TBC1D16: variants seen among roughly 807,000 people sequenced by gnomAD.
TBC1D16 encodes TBC1 domain family member 16.
TBC1D16 carries 58 observed loss-of-function variants against 74.7 expected under a neutral mutation model. The observed-to-expected ratio is 0.78, with a 90% CI of 0.63 to 0.97. TBC1D16 has a LOEUF of 0.97. Ranked by LOEUF, TBC1D16 falls within the 50% of genes least tolerant of loss-of-function variation. TBC1D16 has a pLI of 0.00. For synonymous variants in TBC1D16, 493 were observed against 474.7 expected (o/e 1.04, Z -0.50); for missense variants, 1,014 against 1,079.5 (o/e 0.94, Z 0.85).
rs746450905 is a variant in TBC1D16, at chr17:79,960,779, C to CAAAAAAAAAAAAAA, written c.780-7975_780-7962dup. ...CAAAAAAACCCAAAAAACAAAAACC[C>CAAAAAAAAAAAAAA]AAAAAAAAAAAAAAAAAAAAAAAAA... On this transcript the variant is annotated intron_variant, in intron 3 of 11. Transcript: ENST00000310924. Among the ~76,000 whole-genome samples the CAAAAAAAAAAAAAA allele has an allele frequency of 1.2e-3, 41 of 33,940 alleles. 11 individuals carry two copies. Among genetic ancestry groups the CAAAAAAAAAAAAAA allele is most frequent in the Middle Eastern group, 0.056 (2 of 36 alleles). The allele number at this position is 33,940 out of a possible 152,430, so 22.3% of individuals were successfully genotyped here.
At chr17:80,018,670 C>T (rs902235814) in intron 1 of TBC1D16, among the ~76,000 whole-genome samples, 1 of 148,642 alleles carries the variant, frequency 6.7e-6, no homozygotes, top group Non-Finnish European at 1.5e-5. Context: ...GGTGTGATCA[C>T]AGCTCACTGT....
At chr17:79,963,978 CTGTT>C (rs140888921) in intron 3 of TBC1D16, among the ~76,000 whole-genome samples, 13,333 of 151,694 alleles carry the variant, frequency 0.088, 611 homozygotes, top group South Asian at 0.13. Context: ...TTGTGTGTGT[CTGTT>C]TGTTTGTTTT....
In TBC1D16 at chr17:79,960,891, G is replaced by T. The variant is rs2362386; in HGVS notation, c.780-8073C>A. Among the ~76,000 whole-genome samples, 964 of 141,246 alleles carry T rather than the reference G, an allele frequency of 6.8e-3. 13 individuals carry two copies. Among genetic ancestry groups the T allele is most frequent in the African/African-American group, 0.024 (905 of 38,230 alleles). 92.7% of individuals were successfully genotyped at this position (141,246 alleles called of 152,430 possible). A position where few individuals can be genotyped will look rare whatever the true frequency, so the allele number is the denominator to read the frequency against. On this transcript the variant is annotated intron_variant, in intron 3 of 11. Coordinates refer to ENST00000310924, the MANE Select transcript of TBC1D16 (RefSeq NM_019020.4). ...CCTACAATGTGACGGGAAGTCAAAT[G>T]ACAGAACCACTCTGGAGAACTGTTT...
chr17:79,986,816 G>A lies in TBC1D16; in HGVS notation c.779+23344C>T, dbSNP rs952783967. On this transcript the variant is annotated intron_variant, in intron 3 of 11. Coordinates refer to ENST00000310924, the MANE Select transcript of TBC1D16 (RefSeq NM_019020.4). This position sits in a 1 kb window ranked among gnomAD's most constrained non-coding sequence, Gnocchi z 6.0. Reference sequence around the variant, plus strand: ...AGATGACACCTCCGATCAGGTCCACGGGAAGATGGGGGTGAACGAGAAGCC... The same window carrying A: ...AGATGACACCTCCGATCAGGTCCACAGGAAGATGGGGGTGAACGAGAAGCC... Among the ~76,000 whole-genome samples the A allele has an allele frequency of 3.3e-5, 5 of 152,200 alleles. No homozygotes were observed. The South Asian group carries it at 6.2e-4, about 19-fold the overall frequency.
chr17:80,022,676 G>A (rs569401698), intron 1 of TBC1D16, among the ~76,000 whole-genome samples: 8 of 143,544 alleles, frequency 5.6e-5, no homozygotes, highest in Admixed American at 3.4e-4. Flanking sequence ...TCACACTGTC[G>A]CCCAGGCTGG....
Position 80,025,080 on chromosome 17 carries a change from T to C in TBC1D16, c.-63+10715A>G, listed in dbSNP as rs114821390. 3.6e-4 allele frequency among the ~76,000 whole-genome samples: 11 copies of C among 30,344 alleles called. 2 individuals carry two copies. Among genetic ancestry groups the C allele is most frequent in the East Asian group, 1.1e-3 (2 of 1,788 alleles). 19.9% of individuals were successfully genotyped at this position (30,344 alleles called of 152,430 possible). A position where few individuals can be genotyped will look rare whatever the true frequency, so the allele number is the denominator to read the frequency against. On this transcript the variant is annotated intron_variant, in intron 1 of 11. Transcript: ENST00000310924. ...ACACACACTATGACACACACACACA[T>C]ACCATGACACACACACACCATATAC... is the stretch of plus-strand genomic sequence containing the variant.
chr17:79,971,029 TTA>T lies in TBC1D16; in HGVS notation c.780-18213_780-18212del, dbSNP rs10535074. 0.13 allele frequency among the ~76,000 whole-genome samples: 19,357 copies of T among 150,156 alleles called. 1,419 individuals are homozygous for T. The highest frequency in any genetic ancestry group is 0.25 in the East Asian group (1,258 of 5,110). ...TATACACTCCCTGTATTTTTATTTT[TTA>T]TTTTTTTTTGAGATGGAGTCTGTCT... is the stretch of plus-strand genomic sequence containing the variant. On this transcript the variant is annotated intron_variant, in intron 3 of 11. Coordinates refer to ENST00000310924, the MANE Select transcript of TBC1D16 (RefSeq NM_019020.4). The surrounding 1 kb of genome is among the most constrained non-coding windows in gnomAD (Gnocchi z 4.6).
rs200688554 is a variant in TBC1D16 at position 79,949,710 on chromosome 17, C to A, written c.1406+7G>T. 1.2e-6 allele frequency: 2 copies of A among 1,604,098 alleles called. No homozygotes were observed. The highest frequency in any genetic ancestry group is 2.2e-5 in the South Asian group (2 of 90,792). On this transcript the variant is annotated splice_region_variant and intron_variant, in intron 7 of 11. Coordinates refer to ENST00000310924, the MANE Select transcript of TBC1D16 (RefSeq NM_019020.4). Reference sequence around the variant, plus strand: ...GCGGGGTGGGCCGGGCTGGCCCCGGCGGTTACCTTTTCTGCTGGATCTCAG... The same window carrying A: ...GCGGGGTGGGCCGGGCTGGCCCCGGAGGTTACCTTTTCTGCTGGATCTCAG...
chr17:79,955,852 A>G (rs2033309683), intron 3 of TBC1D16, among the ~76,000 whole-genome samples: 1 of 152,266 alleles, frequency 6.6e-6, no homozygotes, highest in Non-Finnish European at 1.5e-5. Context: ...ATGCCATGTC[A>G]GATACAGAGA....
At position 80,010,519 on chromosome 17, in the gene TBC1D16, GTCC is replaced by G. The variant is rs2035849292; in HGVS notation, c.417_419del (p.Glu139del). 1.2e-6 allele frequency: 2 copies of G among 1,611,144 alleles called. No individual in the cohort carries two copies. Among genetic ancestry groups the G allele is most frequent in the South Asian group, 2.2e-5 (2 of 90,662 alleles). ...GAACACTCTGGGCCACCACCAGGATGTCCTCATCTTTGGGGGTCAGGGTAGGCC... is the reference window on the plus strand; with the variant it reads ...GAACACTCTGGGCCACCACCAGGATGTCATCTTTGGGGGTCAGGGTAGGCC... On this transcript the variant is annotated inframe_deletion, in exon 3 of 12. Transcript: ENST00000310924. The surrounding 1 kb of genome is among the most constrained non-coding windows in gnomAD (Gnocchi z 8.8).
intron 1 of TBC1D16, among the ~76,000 whole-genome samples, chr17:80,025,490 T>C (rs1257933658): frequency 6.7e-6 from 1 of 149,770 alleles, no homozygotes; most frequent in Non-Finnish European, 1.5e-5. Flanking sequence ...GAGGGCTGAA[T>C]AAGGGGCCTG....
intron 6 of TBC1D16, 22 bp from the exon 7 acceptor site, chr17:79,949,887 G>A (rs916351100): frequency 2.5e-6 from 4 of 1,608,304 alleles, no homozygotes; most frequent in African/African-American, 2.7e-5. Context: ...GGCAAAAGTT[G>A]GGGAGGGGAT....
rs1212419793 is a variant in TBC1D16 at position 79,937,787 on chromosome 17, A to G, written c.*3072T>C. The G allele has an allele frequency of 3.9e-5, 6 of 152,232 alleles. No homozygotes were observed. The highest frequency in any genetic ancestry group is 3.9e-4 in the East Asian group (2 of 5,186). The allele number at this position is 152,232 out of a possible 1,614,324, so 9.4% of individuals were successfully genotyped here. ...CTGGCGGGACCTTCCAGGGCTGGCA[A>G]GCATCGAGCCTGACCACGTTGCCTC... On this transcript the variant is annotated 3_prime_UTR_variant, in exon 12 of 12. Transcript: ENST00000310924.
chr17:80,011,962 C>T (rs570811565), intron 2 of TBC1D16, among the ~76,000 whole-genome samples: 6 of 152,164 alleles, frequency 3.9e-5, no homozygotes, highest in South Asian at 4.2e-4. Flanking sequence ...ATGTCACACA[C>T]GGGGTTGCTG....
intron 3 of TBC1D16, among the ~76,000 whole-genome samples, chr17:79,973,718 AAAAG>A (rs1409729709): frequency 9.5e-4 from 138 of 144,834 alleles, no homozygotes; most frequent in Middle Eastern, 6.9e-3. Context: ...TCAAAAAAAA[AAAAG>A]AAAAAAAAAT....
rs529912195 is a variant in TBC1D16, at chr17:79,950,222, T to C, written c.1257+189A>G. ...AGGTGTTGTGTTTTGTTTTTTTTTT[T>C]CAACGCAGCAGCTTTGATTGCTTTA... is the stretch of plus-strand genomic sequence containing the variant. On this transcript the variant is annotated intron_variant, in intron 6 of 11. Coordinates refer to ENST00000310924, the MANE Select transcript of TBC1D16 (RefSeq NM_019020.4). The surrounding 1 kb of genome is among the most constrained non-coding windows in gnomAD (Gnocchi z 4.6). Among the ~76,000 whole-genome samples the C allele has an allele frequency of 1.3e-5, 2 of 152,210 alleles. No individual in the cohort carries two copies. Among genetic ancestry groups the C allele is most frequent in the South Asian group, 2.1e-4 (1 of 4,822 alleles).
rs2036771704 is a variant in TBC1D16, at chr17:80,031,427, G to A, written c.-63+4368C>T. On this transcript the variant is annotated intron_variant, in intron 1 of 11. Coordinates refer to ENST00000310924, the MANE Select transcript of TBC1D16 (RefSeq NM_019020.4). The stretch of plus-strand genomic sequence containing the variant: ...TAAAATGAAGAAACTAGGGCTTAGG[G>A]CATTCACTGCAGTGCTGGGATCTTG... Among the ~76,000 whole-genome samples the A allele has an allele frequency of 1.3e-5, 2 of 152,176 alleles. 1 individual carries two copies. The highest frequency in any genetic ancestry group is 2.9e-5 in the Non-Finnish European group (2 of 68,026).
chr17:79,991,109 G>A (rs576465013), intron 3 of TBC1D16, among the ~76,000 whole-genome samples: 3 of 152,332 alleles, frequency 2.0e-5, no homozygotes, highest in African/African-American at 7.2e-5. Context: ...ATATAACCAT[G>A]AATCATCTAT....
intron 3 of TBC1D16, among the ~76,000 whole-genome samples, chr17:79,969,941 CAAAGA>C (rs552490205): frequency 1.4e-4 from 22 of 152,016 alleles, no homozygotes; most frequent in South Asian, 8.3e-4. Flanking sequence ...GACTCCATCT[CAAAGA>C]AAAGAAAAGA....
Sources: gnomAD v4.1 joint callset for allele counts (sites outside exome capture counted in the v4.1 genomes callset) on GRCh38, gnomAD v4.1.1 for gene constraint, Gnocchi (gnomAD v3.1) non-coding constraint, MANE v1.5 for transcripts, NCBI Gene and HGNC (gene_info 2026-07-23, HGNC 2026-07-21) for gene names.